MYRIP: variants seen among roughly 807,000 people sequenced by gnomAD.
MYRIP encodes the protein rab effector MyRIP.
MYRIP carries 49 observed loss-of-function variants against 98.0 expected under a neutral mutation model. The ratio of observed to expected loss-of-function variants is 0.50; its 90% CI spans 0.40 to 0.63. MYRIP has a LOEUF of 0.63. Among genes scored for constraint, MYRIP ranks in the 30% least tolerant of loss-of-function variants. MYRIP has a pLI of 0.00. For missense variants in MYRIP, 1,004 were observed against 1,058.2 expected (o/e 0.95, Z 0.71); for synonymous variants, 404 against 409.5 (o/e 0.99, Z 0.16).
At chr3:40,162,973 G>T (rs577777957) in intron 5 of MYRIP, 163 bp downstream of exon 5, 3 of 591,002 alleles carry the variant, frequency 5.1e-6, no homozygotes, top group Non-Finnish European at 6.0e-6. Context: ...CCAATTGTAT[G>T]AATCCATCAT....
chr3:40,047,628 T>C (rs1399398514), intron 3 of MYRIP, among the ~76,000 whole-genome samples: 1 of 152,162 alleles, frequency 6.6e-6, no homozygotes, highest in Non-Finnish European at 1.5e-5. Context: ...GATGGAGAAA[T>C]TTTGTTCATT....
intron 3 of MYRIP, among the ~76,000 whole-genome samples, chr3:40,070,331 G>C (rs760436205): frequency 6.6e-6 from 1 of 152,126 alleles, no homozygotes; most frequent in East Asian, 1.9e-4. Flanking sequence ...CTTAAAAAGC[G>C]TAACTCCACA....
intron 3 of MYRIP, among the ~76,000 whole-genome samples, chr3:40,134,663 C>A: frequency 6.6e-6 from 1 of 152,132 alleles, no homozygotes; most frequent in East Asian, 1.9e-4. Flanking sequence ...CTCACACAGC[C>A]GGGTACTCCT....
chr3:39,898,335 C>A (rs544797157), intron 1 of MYRIP, among the ~76,000 whole-genome samples: 1 of 152,044 alleles, frequency 6.6e-6, no homozygotes, highest in Non-Finnish European at 1.5e-5. Context: ...GAGATTGGTT[C>A]GCATTATGCA....
intron 11 of MYRIP, among the ~76,000 whole-genome samples, 175 bp downstream of exon 11, chr3:40,210,268 A>G (rs763028519): frequency 2.1e-4 from 32 of 152,186 alleles, no homozygotes; most frequent in Non-Finnish European, 3.1e-4. Flanking sequence ...ACTGGGGGGT[A>G]CAATCAGGAA....
chr3:39,945,479 AAAAAAAAAAAAAG>A (rs1238526961), intron 2 of MYRIP, among the ~76,000 whole-genome samples: 3 of 138,846 alleles, frequency 2.2e-5, no homozygotes, highest in African/African-American at 5.8e-5. Context: ...TCCATCTCAA[AAAAAAAAAAAAAG>A]AAAAAAGAAA....
chr3:39,961,913 A>G (rs569342305), intron 2 of MYRIP, among the ~76,000 whole-genome samples: 2 of 152,240 alleles, frequency 1.3e-5, no homozygotes, highest in Admixed American at 1.3e-4. Flanking sequence ...GAATAAGGGC[A>G]TTAGGTGGCA....
intron 3 of MYRIP, among the ~76,000 whole-genome samples, chr3:40,133,043 G>T (rs1005945374): frequency 6.6e-6 from 1 of 152,244 alleles, no homozygotes; most frequent in Non-Finnish European, 1.5e-5. Context: ...GATCTCTGTG[G>T]ACATTCATAC....
At chr3:39,984,701 C>T (rs972813505) in intron 2 of MYRIP, among the ~76,000 whole-genome samples, 2 of 151,940 alleles carry the variant, frequency 1.3e-5, no homozygotes, top group African/African-American at 4.8e-5. Context: ...GTGCATGTGT[C>T]TTTATAGCAG....
rs1951160453 is a variant in MYRIP at position 40,190,104 on chromosome 3, A to G, written c.1306A>G (p.Ile436Val). The change falls in exon 10 of 17, where the codon ATA becomes GTA. Residue 436 changes from isoleucine (I) to valine (V), a missense_variant. Physicochemically the swap from Ile to Val is conservative, Grantham distance 29. Coordinates refer to ENST00000302541, the MANE Select transcript of MYRIP (RefSeq NM_015460.4). ...TQAQSSDQGP[I>V]AASPSSALSP... ...GGCCCAGAGCTCTGACCAAGGCCCC[A>G]TAGCTGCCTCCCCATCCTCTGCACT... The G allele has an allele frequency of 6.2e-7, 1 of 1,613,948 alleles. No homozygotes were observed. Among genetic ancestry groups the G allele is most frequent in the Non-Finnish European group, 8.5e-7 (1 of 1,179,916 alleles).
At chr3:39,833,509 A>T (rs2047718193) in intron 1 of MYRIP, among the ~76,000 whole-genome samples, 2 of 152,222 alleles carry the variant, frequency 1.3e-5, no homozygotes, top group South Asian at 2.1e-4. Context: ...GGCTAGATGG[A>T]GGTAAACTCG....
chr3:40,192,328 C>CATATATATATATGTCGT (rs1951250375), intron 10 of MYRIP, among the ~76,000 whole-genome samples: 1 of 37,844 alleles, frequency 2.6e-5, no homozygotes, highest in Non-Finnish European at 4.2e-5. Context: ...ATATATATGT[C>CATATATATATATGTCGT]ATATATATAT....
At chr3:40,127,975 A>G (rs1259318677) in intron 3 of MYRIP, among the ~76,000 whole-genome samples, 1 of 152,216 alleles carries the variant, frequency 6.6e-6, no homozygotes, top group Non-Finnish European at 1.5e-5. Context: ...CTGTTTCATC[A>G]TCTATATAAC....
At chr3:39,922,597 T>C (rs984581795) in intron 2 of MYRIP, among the ~76,000 whole-genome samples, 4 of 152,110 alleles carry the variant, frequency 2.6e-5, no homozygotes, top group African/African-American at 9.7e-5. Context: ...AGAGATCTTG[T>C]GGGGAGCTGG....
At chr3:39,987,249 C>T (rs1276916689) in intron 2 of MYRIP, among the ~76,000 whole-genome samples, 1 of 152,090 alleles carries the variant, frequency 6.6e-6, no homozygotes, top group Non-Finnish European at 1.5e-5. Context: ...TGAGCGAGAT[C>T]ATGTGGTGTT....
At chr3:40,254,168 G>T (rs6762700) in intron 16 of MYRIP, among the ~76,000 whole-genome samples, 2,139 of 152,262 alleles carry the variant, frequency 0.014, 39 homozygotes, top group African/African-American at 0.047. Flanking sequence ...ATCATTTTAT[G>T]AGGTTTATTT....
At chr3:39,939,312 G>C (rs1944726257) in intron 2 of MYRIP, among the ~76,000 whole-genome samples, 1 of 152,132 alleles carries the variant, frequency 6.6e-6, no homozygotes, top group Non-Finnish European at 1.5e-5. Context: ...CTTTCAGCAG[G>C]AAAACAGCCA....
intron 1 of MYRIP, among the ~76,000 whole-genome samples, chr3:39,830,939 C>A (rs1272637391): frequency 1.3e-5 from 2 of 152,194 alleles, no homozygotes; most frequent in Non-Finnish European, 2.9e-5. Context: ...GTTTCATCAA[C>A]TTCACCGGAA....
intron 1 of MYRIP, among the ~76,000 whole-genome samples, chr3:39,811,904 T>C (rs2125561255): frequency 6.6e-6 from 1 of 152,296 alleles, no homozygotes; most frequent in Admixed American, 6.5e-5. Flanking sequence ...ATCTCCTTCC[T>C]CCCTGCCCAG....
Sources: gnomAD v4.1 joint callset for allele counts (sites outside exome capture counted in the v4.1 genomes callset) on GRCh38, gnomAD v4.1.1 for gene constraint, MANE v1.5 for transcripts, NCBI Gene and HGNC (gene_info 2026-07-23, HGNC 2026-07-21) for gene names.